TRIM33: variants seen among roughly 807,000 people sequenced by gnomAD.
TRIM33 encodes the protein tripartite motif containing 33, also known as E3 ubiquitin-protein ligase TRIM33.
In TRIM33, 20 loss-of-function variants were observed where a neutral mutation model predicts 125.4. The observed-to-expected ratio is 0.16, with a 90% CI of 0.11 to 0.23. TRIM33 has a LOEUF of 0.23. Ranked by LOEUF, TRIM33 falls within the 10% of genes least tolerant of loss-of-function variation. The pLI is 1.00. For missense variants in TRIM33, 920 were observed against 1,411.4 expected (o/e 0.65, Z 5.58); for synonymous variants, 564 against 513.9 (o/e 1.10, Z -1.32).
chr1:114,510,533 G>C lies in TRIM33; in HGVS notation c.526+18C>G, dbSNP rs1186204051. 6.9e-7 allele frequency: 1 copy of C among 1,457,628 alleles called. No individual in the cohort carries two copies. Among genetic ancestry groups the C allele is most frequent in the South Asian group, 1.4e-5 (1 of 72,992 alleles). The allele number at this position is 1,457,628 out of a possible 1,614,324, so 90.3% of individuals were successfully genotyped here. On this transcript the variant is annotated intron_variant, in intron 1 of 19. Transcript: ENST00000358465. ...AAATCCCTTGCGGCCCAGATGCCAGGCAGGGCCTCCGGCTCACCTTGCTGG... is the reference window on the plus strand; with the variant it reads ...AAATCCCTTGCGGCCCAGATGCCAGCCAGGGCCTCCGGCTCACCTTGCTGG...
Position 114,397,441 on chromosome 1 carries a change from CAGACTTCTCTCCCCCTTTCTTGACA to C in TRIM33, c.*182_*206del, listed in dbSNP as rs1445993323. 3 of 549,356 alleles carry C rather than the reference CAGACTTCTCTCCCCCTTTCTTGACA, an allele frequency of 5.5e-6. No individual in the cohort carries two copies. The East Asian group carries it at 8.8e-5, about 16-fold the overall frequency. 34.0% of individuals were successfully genotyped at this position (549,356 alleles called of 1,614,324 possible). The stretch of plus-strand genomic sequence containing the variant: ...TGCTTTTTGCTTTGAAACTTGCAAA[CAGACTTCTCTCCCCCTTTCTTGACA>C]AGAATGTGTTTCTGTCCATTATTTC... On this transcript the variant is annotated 3_prime_UTR_variant, in exon 20 of 20. Transcript: ENST00000358465.
intron 10 of TRIM33, among the ~76,000 whole-genome samples, chr1:114,423,560 T>C (rs1466290608): frequency 1.3e-5 from 2 of 151,998 alleles, no homozygotes; most frequent in Non-Finnish European, 2.9e-5. Flanking sequence ...ATATATTTTT[T>C]CTTTCTTTTT....
intron 4 of TRIM33, among the ~76,000 whole-genome samples, chr1:114,444,759 A>T (rs1321893020): frequency 6.6e-6 from 1 of 152,252 alleles, no homozygotes; most frequent in African/African-American, 2.4e-5. Flanking sequence ...TGTATTGTCC[A>T]CAATGTCCAA....
chr1:114,455,871 A>G (rs1445104091), intron 4 of TRIM33, among the ~76,000 whole-genome samples: 1 of 152,200 alleles, frequency 6.6e-6, no homozygotes, highest in Non-Finnish European at 1.5e-5. Flanking sequence ...ACTCAAGATG[A>G]AGACAGAGAG....
In TRIM33 at chr1:114,399,244, A is replaced by C. The variant is rs576508578; in HGVS notation, c.3120+213T>G. The stretch of plus-strand genomic sequence containing the variant: ...CAACTCATTTAGAAAAGGATATTTG[A>C]TAATATTCTTAATTTATTATATTTA... On this transcript the variant is annotated intron_variant, in intron 18 of 19. Transcript: ENST00000358465. Among the ~76,000 whole-genome samples the C allele has an allele frequency of 6.6e-5, 10 of 152,242 alleles. No individual in the cohort carries two copies. The South Asian group carries it at 1.9e-3, about 28-fold the overall frequency.
At chr1:114,432,717 T>C (rs867494273) in intron 5 of TRIM33, among the ~76,000 whole-genome samples, 2 of 151,926 alleles carry the variant, frequency 1.3e-5, no homozygotes, top group African/African-American at 4.8e-5. Flanking sequence ...ACCCAGAAGG[T>C]GGAGCTTGCA....
At chr1:114,427,136 C>T (rs1647638295) in intron 8 of TRIM33, 41 bp downstream of exon 8, 2 of 936,668 alleles carry the variant, frequency 2.1e-6, no homozygotes, top group African/African-American at 1.7e-5. Context: ...CCTTCTAATT[C>T]AGTGTTCCAA....
intron 1 of TRIM33, among the ~76,000 whole-genome samples, chr1:114,505,869 A>G (rs1361483723): frequency 6.6e-6 from 1 of 152,098 alleles, no homozygotes; most frequent in Non-Finnish European, 1.5e-5. Context: ...TGCCCAGTCC[A>G]CAGTAAGTTG....
At chr1:114,409,976 T>C (rs374121469) in intron 12 of TRIM33, among the ~76,000 whole-genome samples, 5 of 152,200 alleles carry the variant, frequency 3.3e-5, no homozygotes, top group African/African-American at 9.6e-5. Context: ...AACAATACTC[T>C]TACCTGGGTC....
intron 1 of TRIM33, among the ~76,000 whole-genome samples, chr1:114,492,438 A>G (rs1476678529): frequency 2.6e-5 from 4 of 152,158 alleles, no homozygotes; most frequent in African/African-American, 9.6e-5. Context: ...ATATGGCATT[A>G]ACTACATTCA....
intron 1 of TRIM33, among the ~76,000 whole-genome samples, chr1:114,493,114 T>G (rs1474546467): frequency 6.6e-6 from 1 of 152,202 alleles, no homozygotes; most frequent in African/African-American, 2.4e-5. Context: ...AAGTGGTATC[T>G]CCTTGTGGTT....
chr1:114,477,304 A>G (rs888311316), intron 1 of TRIM33, among the ~76,000 whole-genome samples: 1 of 152,096 alleles, frequency 6.6e-6, no homozygotes, highest in African/African-American at 2.4e-5. Context: ...AGAATCATTT[A>G]CCAAAATATT....
chr1:114,452,118 C>G (rs953672338), intron 4 of TRIM33, among the ~76,000 whole-genome samples: 1 of 152,024 alleles, frequency 6.6e-6, no homozygotes, highest in Non-Finnish European at 1.5e-5. Flanking sequence ...CTAAAATGAC[C>G]AATAAAGACC....
chr1:114,446,854 C>T (rs906001004), intron 4 of TRIM33, among the ~76,000 whole-genome samples: 1 of 152,016 alleles, frequency 6.6e-6, no homozygotes, highest in Non-Finnish European at 1.5e-5. Flanking sequence ...CCCAGGAGTT[C>T]GAGACCAGCC....
At chr1:114,431,698 GC>G (rs1647960297) in intron 5 of TRIM33, among the ~76,000 whole-genome samples, 2 of 152,134 alleles carry the variant, frequency 1.3e-5, no homozygotes, top group Non-Finnish European at 2.9e-5. Context: ...CTCCTAAACT[GC>G]CTTTCATTTG....
chr1:114,474,108 C>A (rs1211041603), intron 1 of TRIM33, among the ~76,000 whole-genome samples: 1 of 151,992 alleles, frequency 6.6e-6, no homozygotes, highest in Non-Finnish European at 1.5e-5. Flanking sequence ...ACTATATCAC[C>A]CAGGCGGGTC....
chr1:114,423,122 T>C (rs183929232), intron 10 of TRIM33, among the ~76,000 whole-genome samples: 16 of 152,322 alleles, frequency 1.1e-4, no homozygotes, highest in African/African-American at 3.8e-4. Context: ...TTTTGTATCT[T>C]CTAATAGTCT....
chr1:114,462,850 T>C (rs1189631714), intron 4 of TRIM33, among the ~76,000 whole-genome samples: 1 of 152,106 alleles, frequency 6.6e-6, no homozygotes, highest in Non-Finnish European at 1.5e-5. Context: ...AAATGCATAA[T>C]ATAACTCCAT....
chr1:114,468,248 C>A, intron 1 of TRIM33: 1 of 234,918 alleles, frequency 4.3e-6, no homozygotes, highest in Non-Finnish European at 8.3e-6. Flanking sequence ...AGGAGCAGCG[C>A]TGCTGCTGGG....
Sources: gnomAD v4.1 joint callset for allele counts (sites outside exome capture counted in the v4.1 genomes callset) on GRCh38, gnomAD v4.1.1 for gene constraint, MANE v1.5 for transcripts, NCBI Gene and HGNC (gene_info 2026-07-23, HGNC 2026-07-21) for gene names.